The following MYO16 variants were observed in gnomAD, a reference collection of about 807,000 sequenced individuals.
The protein encoded by MYO16 is myosin XVI, also known as unconventional myosin-XVI.
A neutral mutation model predicts 205.3 loss-of-function variants in MYO16; 94 were observed. That is an observed-to-expected ratio of 0.46 (90% CI 0.39 to 0.54). The LOEUF (loss-of-function observed/expected upper bound fraction) is 0.54, where lower values mean the gene tolerates loss of function less well. MYO16 is among the 20% of genes least tolerant of loss of function. The pLI is 0.00. For missense variants in MYO16, 2,315 were observed against 2,387.5 expected (o/e 0.97, Z 0.63); for synonymous variants, 988 against 954.0 (o/e 1.04, Z -0.66).
chr13:108,787,595 AAAT>A (rs1240953842), intron 5 of MYO16, among the ~76,000 whole-genome samples: 1 of 152,206 alleles, frequency 6.6e-6, no homozygotes, highest in Non-Finnish European at 1.5e-5. Flanking sequence ...TAAAGAATAA[AAAT>A]AAATGTGTTC....
In MYO16 at chr13:108,823,248, T is replaced by C; in HGVS notation, c.1067T>C (p.Ile356Thr). 1 of 1,612,512 alleles carries C rather than the reference T, an allele frequency of 6.2e-7. No individual in the cohort carries two copies. The highest frequency in any genetic ancestry group is 8.5e-7 in the Non-Finnish European group (1 of 1,179,046). ...CAAGAAGAGCCCTATGAAGAGATCA[T>C]TCACGATCTTCCCGTACTGTCGAGT... is the stretch of plus-strand genomic sequence containing the variant. ...LAQEEPYEEI[I>T]HDLPVLSSKL... is the part of the protein sequence containing the mutation. Residue 356 changes from isoleucine to threonine, a missense_variant, in exon 9 of 35, where the codon ATT (isoleucine) becomes ACT (threonine). Around this residue, in one of 3 missense-constraint regions of MYO16, gnomAD observed 1,213 missense variants for 1,274.4 expected, o/e 0.95. Coordinates refer to ENST00000457511, the MANE Select transcript of MYO16 (RefSeq NM_001198950.3).
the MYO16 span, among the ~76,000 whole-genome samples, chr13:108,578,864 A>G: frequency 2.7e-5 from 4 of 150,558 alleles, no homozygotes; most frequent in African/African-American, 7.3e-5. Flanking sequence ...CAGCTCACAT[A>G]TATATTTATT....
chr13:108,913,515 A>C (rs1881358040), intron 16 of MYO16, among the ~76,000 whole-genome samples: 3 of 152,216 alleles, frequency 2.0e-5, no homozygotes, highest in South Asian at 2.1e-4. Context: ...ATGAGTATTA[A>C]GTTCCATAGT....
chr13:108,600,209 G>A (rs1381639533), intron 1 of MYO16, among the ~76,000 whole-genome samples: 2 of 152,174 alleles, frequency 1.3e-5, no homozygotes, highest in East Asian at 3.8e-4. Flanking sequence ...GATGAACAAA[G>A]GTTGTTCAAG....
At chr13:108,518,051 A>T in the MYO16 span, among the ~76,000 whole-genome samples, 2 of 152,172 alleles carry the variant, frequency 1.3e-5, no homozygotes. Flanking sequence ...CAGCATATGA[A>T]TTCTGGGGGG....
At chr13:109,054,610 A>G (rs1283308677) in intron 25 of MYO16, among the ~76,000 whole-genome samples, 4 of 152,188 alleles carry the variant, frequency 2.6e-5, no homozygotes, top group Non-Finnish European at 5.9e-5. Context: ...TCACACTAAA[A>G]TGAGTGCAGG....
the MYO16 span, among the ~76,000 whole-genome samples, chr13:108,577,594 G>T: frequency 6.6e-6 from 1 of 152,050 alleles, no homozygotes. Flanking sequence ...CATTCTTCCT[G>T]GAATGCTTCC....
intron 27 of MYO16, among the ~76,000 whole-genome samples, chr13:109,076,370 A>G (rs1046960755): frequency 6.6e-6 from 1 of 152,190 alleles, no homozygotes; most frequent in Non-Finnish European, 1.5e-5. Context: ...TTCTTCTAAT[A>G]TAAACATTTA....
Position 109,120,280 on chromosome 13 carries a change from C to T in MYO16, c.3439-90C>T, listed in dbSNP as rs1382275491. ...TTCTGAGTTTGTTTCTTCTAATCCT[C>T]TGCTGGAAAAATATTTTGTCTGATT... On this transcript the variant is annotated intron_variant, in intron 28 of 34. Coordinates refer to ENST00000457511, the MANE Select transcript of MYO16 (RefSeq NM_001198950.3). 6.8e-6 allele frequency: 6 copies of T among 886,800 alleles called. No homozygotes were observed. In the East Asian group the frequency reaches 1.5e-4, roughly 23 times the overall value. The allele number at this position is 886,800 out of a possible 1,614,324, so 54.9% of individuals were successfully genotyped here.
At chr13:108,946,360 C>T (rs993512335) in intron 16 of MYO16, among the ~76,000 whole-genome samples, 9 of 151,796 alleles carry the variant, frequency 5.9e-5, no homozygotes, top group South Asian at 2.1e-4. Flanking sequence ...CCAAAGGAAA[C>T]GAGTAGAGCT....
intron 23 of MYO16, among the ~76,000 whole-genome samples, chr13:109,034,207 T>G (rs1326299183): frequency 6.6e-6 from 1 of 151,894 alleles, no homozygotes; most frequent in African/African-American, 2.4e-5. Flanking sequence ...TAGAGATAAT[T>G]TTTAATTTTG....
At chr13:108,808,988 C>T (rs1887202501) in intron 7 of MYO16, among the ~76,000 whole-genome samples, 1 of 152,174 alleles carries the variant, frequency 6.6e-6, no homozygotes, top group Admixed American at 6.5e-5. Flanking sequence ...AGTGTTATTA[C>T]CTGCCTTTAC....
chr13:108,904,496 T>C (rs1880866140), intron 15 of MYO16, among the ~76,000 whole-genome samples: 1 of 152,190 alleles, frequency 6.6e-6, no homozygotes, highest in Admixed American at 6.5e-5. Flanking sequence ...CATCTGAGCA[T>C]GCAAAGAGGT....
intron 2 of MYO16, among the ~76,000 whole-genome samples, chr13:108,701,774 T>A (rs1023995437): frequency 2.6e-5 from 4 of 151,928 alleles, no homozygotes; most frequent in African/African-American, 9.7e-5. Context: ...GAATAAACGA[T>A]CATAAAAATG....
At chr13:108,819,244 T>G (rs1341135875) in intron 7 of MYO16, among the ~76,000 whole-genome samples, 1 of 152,186 alleles carries the variant, frequency 6.6e-6, no homozygotes, top group Non-Finnish European at 1.5e-5. Context: ...GGTGGATCAA[T>G]TGTGATATAT....
intron 7 of MYO16, among the ~76,000 whole-genome samples, chr13:108,816,279 T>C (rs1254934717): frequency 2.0e-5 from 3 of 152,162 alleles, no homozygotes; most frequent in East Asian, 1.9e-4. Flanking sequence ...TTTCTGCTCA[T>C]CAAAAGACAT....
At chr13:109,191,005 G>T (rs1379879945) in intron 34 of MYO16, among the ~76,000 whole-genome samples, 1 of 151,908 alleles carries the variant, frequency 6.6e-6, no homozygotes, top group African/African-American at 2.4e-5. Flanking sequence ...GATCATCTGT[G>T]GTCAAGAGTT....
intron 6 of MYO16, among the ~76,000 whole-genome samples, chr13:108,799,820 C>T (rs1886914651): frequency 6.6e-6 from 1 of 152,044 alleles, no homozygotes; most frequent in South Asian, 2.1e-4. Flanking sequence ...CCTCTTGGCG[C>T]TTTTCTTCAT....
At chr13:108,860,010 C>CT (rs111789965) in intron 11 of MYO16, among the ~76,000 whole-genome samples, 2,652 of 146,510 alleles carry the variant, frequency 0.018, 54 homozygotes, top group African/African-American at 0.048. Context: ...AGCAGAGCCT[C>CT]TTTTTTTTTT....
Sources: allele counts gnomAD v4.1 joint callset (sites outside exome capture counted in the v4.1 genomes callset), GRCh38; gene constraint gnomAD v4.1.1; regional missense constraint gnomAD v4.1.1; transcripts MANE v1.5; gene names NCBI Gene and HGNC (gene_info 2026-07-23, HGNC 2026-07-21).